The following PRLR variants were observed in gnomAD, a reference collection of about 807,000 sequenced individuals.
PRLR encodes prolactin receptor, also known as hPRL receptor.
In PRLR, 13 loss-of-function variants were observed where a neutral mutation model predicts 40.2. The ratio of observed to expected loss-of-function variants is 0.32; its 90% CI spans 0.21 to 0.51. PRLR has a LOEUF of 0.51. Among genes scored for constraint, PRLR ranks in the 20% least tolerant of loss-of-function variants. The pLI is 0.97. For missense variants in PRLR, 656 were observed against 747.3 expected (o/e 0.88, Z 1.42); for synonymous variants, 269 against 278.7 (o/e 0.97, Z 0.35).
intron 1 of PRLR, among the ~76,000 whole-genome samples, chr5:35,169,920 A>C (rs1490738936): frequency 6.6e-6 from 1 of 152,194 alleles, no homozygotes; most frequent in Non-Finnish European, 1.5e-5. Context: ...CATCTACAGC[A>C]TGAGTTTCCT....
chr5:35,089,729 A>G, intron 2 of PRLR, 66 bp from the exon 3 acceptor site: 1 of 935,292 alleles, frequency 1.1e-6, no homozygotes, highest in East Asian at 2.5e-5. Context: ...CCACCACTTT[A>G]TTCTGGGTAT....
Position 35,063,206 on chromosome 5 carries a change from A to C in PRLR, c.*1883T>G, listed in dbSNP as rs535610833. 6.6e-6 allele frequency: 1 copy of C among 152,224 alleles called. No homozygotes were observed. The highest frequency in any genetic ancestry group is 1.5e-5 in the Non-Finnish European group (1 of 68,048). The allele number at this position is 152,224 out of a possible 1,614,324, so 9.4% of individuals were successfully genotyped here. Reference sequence around the variant, plus strand: ...CCCTTACTCACATGATATTGTTTATATATTAGAAAAATGGAGCTTCGTATC... The same window carrying C: ...CCCTTACTCACATGATATTGTTTATCTATTAGAAAAATGGAGCTTCGTATC... On this transcript the variant is annotated 3_prime_UTR_variant, in exon 10 of 10. Transcript: ENST00000618457.
intron 5 of PRLR, among the ~76,000 whole-genome samples, chr5:35,075,410 G>C (rs537587874): frequency 6.6e-6 from 1 of 152,306 alleles, no homozygotes; most frequent in South Asian, 2.1e-4. Context: ...TGGCTCAGAG[G>C]GTCCCAAGCC....
At chr5:35,144,840 A>G (rs1454369566) in intron 1 of PRLR, among the ~76,000 whole-genome samples, 1 of 152,038 alleles carries the variant, frequency 6.6e-6, no homozygotes, top group African/African-American at 2.4e-5. Context: ...CCTGGTCTAG[A>G]GCCTCTGTCT....
intron 1 of PRLR, among the ~76,000 whole-genome samples, chr5:35,131,775 C>T (rs1252312316): frequency 1.3e-5 from 2 of 152,158 alleles, no homozygotes; most frequent in Non-Finnish European, 2.9e-5. Flanking sequence ...TCAGGAGCAC[C>T]TACCATACAA....
intron 2 of PRLR, among the ~76,000 whole-genome samples, chr5:35,090,990 T>C (rs539201328): frequency 6.5e-4 from 99 of 151,986 alleles, no homozygotes; most frequent in African/African-American, 2.2e-3. Flanking sequence ...TTTTTTGTAT[T>C]TTTAGTAGAG....
chr5:35,160,356 G>T (rs941033564), intron 1 of PRLR, among the ~76,000 whole-genome samples: 18 of 152,200 alleles, frequency 1.2e-4, no homozygotes, highest in Non-Finnish European at 2.4e-4. Flanking sequence ...TGCAAAAATT[G>T]TATCAGTGAG....
In PRLR at chr5:35,220,932, C is replaced by A. The variant is rs201675423; in HGVS notation, c.-106+9336G>T. Among the ~76,000 whole-genome samples the A allele has an allele frequency of 2.7e-4, 41 of 152,270 alleles. No homozygotes were observed. In the East Asian group the frequency reaches 7.5e-3, roughly 28 times the overall value. Reference sequence around the variant, plus strand: ...GATCGGTGTATCAGACTTGGCTGGACCCTGGATAACTGATTCCAGAATCAT... The same window carrying A: ...GATCGGTGTATCAGACTTGGCTGGAACCTGGATAACTGATTCCAGAATCAT... On this transcript the variant is annotated intron_variant, in intron 1 of 9. Coordinates refer to ENST00000618457, the MANE Select transcript of PRLR (RefSeq NM_000949.7).
chr5:35,105,536 G>C (rs1772182118), intron 2 of PRLR, among the ~76,000 whole-genome samples: 1 of 152,166 alleles, frequency 6.6e-6, no homozygotes, highest in Non-Finnish European at 1.5e-5. Context: ...GACCTTAAAT[G>C]ACCTGATGAA....
At chr5:35,166,183 T>C (rs146286339) in intron 1 of PRLR, among the ~76,000 whole-genome samples, 182 of 152,332 alleles carry the variant, frequency 1.2e-3, no homozygotes, top group African/African-American at 4.3e-3. Flanking sequence ...TTGTTTGTTT[T>C]GCCTCAGAAT....
intron 1 of PRLR, among the ~76,000 whole-genome samples, chr5:35,175,186 C>G (rs1354806273): frequency 6.6e-6 from 1 of 152,066 alleles, no homozygotes; most frequent in Non-Finnish European, 1.5e-5. Flanking sequence ...GTGGGAGGGA[C>G]CTGGTGGGAA....
intron 1 of PRLR, among the ~76,000 whole-genome samples, chr5:35,190,994 C>A (rs1478433455): frequency 6.6e-6 from 1 of 151,274 alleles, no homozygotes; most frequent in African/African-American, 2.4e-5. Flanking sequence ...CAAAACAAAG[C>A]CCCTACAGAC....
In PRLR at chr5:35,075,604, T is replaced by A. The variant is rs575226120; in HGVS notation, c.374-2860A>T. Among the ~76,000 whole-genome samples the A allele has an allele frequency of 2.0e-5, 3 of 152,332 alleles. No individual in the cohort carries two copies. In the South Asian group the frequency reaches 6.2e-4, roughly 32 times the overall value. On this transcript the variant is annotated intron_variant, in intron 5 of 9. Transcript: ENST00000618457. ...CCGGCCTGCCTCTGTGGACTCCACC[T>A]CTGGGGCCAGAGAATAGCTGAACAA...
chr5:35,145,901 G>A (rs911412469), intron 1 of PRLR, among the ~76,000 whole-genome samples: 1 of 152,202 alleles, frequency 6.6e-6, no homozygotes, highest in Middle Eastern at 3.2e-3. Context: ...AATGCAGAGG[G>A]TATTTGAATG....
intron 2 of PRLR, among the ~76,000 whole-genome samples, chr5:35,092,337 C>T (rs548721373): frequency 6.6e-6 from 1 of 152,136 alleles, no homozygotes; most frequent in Non-Finnish European, 1.5e-5. Context: ...TCCAACTCAT[C>T]CTGCATTTTC....
chr5:35,086,141 T>G, intron 4 of PRLR, 67 bp downstream of exon 4: 1 of 1,575,726 alleles, frequency 6.3e-7, no homozygotes, highest in South Asian at 1.1e-5. Context: ...TCAGAACCAG[T>G]GTTTCTTTGG....
chr5:35,139,387 G>T (rs1176549132), intron 1 of PRLR, among the ~76,000 whole-genome samples: 1 of 152,032 alleles, frequency 6.6e-6, no homozygotes, highest in Non-Finnish European at 1.5e-5. Context: ...CAAAGTGCTG[G>T]GATTACAGGC....
chr5:35,152,083 G>T (rs1040797757), intron 1 of PRLR, among the ~76,000 whole-genome samples: 1 of 152,094 alleles, frequency 6.6e-6, no homozygotes, highest in South Asian at 2.1e-4. Context: ...TCAGTTTTTT[G>T]GTGTTAATAT....
chr5:35,130,562 A>G (rs890436475), intron 1 of PRLR, among the ~76,000 whole-genome samples: 1 of 152,190 alleles, frequency 6.6e-6, no homozygotes, highest in Non-Finnish European at 1.5e-5. Context: ...CTTGTCAAAA[A>G]TCACTTTTCA....
Sources: allele counts gnomAD v4.1 joint callset (sites outside exome capture counted in the v4.1 genomes callset), GRCh38; gene constraint gnomAD v4.1.1; transcripts MANE v1.5; gene names NCBI Gene and HGNC (gene_info 2026-07-23, HGNC 2026-07-21).